SLC9A9: variants seen among roughly 807,000 people sequenced by gnomAD.
The protein encoded by SLC9A9 is sodium/hydrogen exchanger 9.
Under a neutral mutation model 77.8 loss-of-function variants are expected in SLC9A9, and 62 were observed. The observed-to-expected ratio is 0.80, with a 90% CI of 0.65 to 0.98. The LOEUF (loss-of-function observed/expected upper bound fraction) is 0.98, where lower values mean the gene tolerates loss of function less well. Ranked by LOEUF, SLC9A9 falls within the 50% of genes least tolerant of loss-of-function variation. The pLI is 0.00. For synonymous variants in SLC9A9, 320 were observed against 283.5 expected (o/e 1.13, Z -1.29); for missense variants, 775 against 774.9 (o/e 1.00, Z 0.00).
At chr3:143,566,686 A>G (rs972174690) in intron 8 of SLC9A9, among the ~76,000 whole-genome samples, 3 of 152,112 alleles carry the variant, frequency 2.0e-5, no homozygotes, top group Non-Finnish European at 1.5e-5. Flanking sequence ...TCTGCCTCCA[A>G]TGAACATAAA....
At chr3:143,616,441 C>A (rs1205255585) in intron 6 of SLC9A9, among the ~76,000 whole-genome samples, 2 of 152,132 alleles carry the variant, frequency 1.3e-5, no homozygotes, top group Non-Finnish European at 2.9e-5. Context: ...GACTTGGGGA[C>A]AGTGAATGAA....
At chr3:143,284,177 C>T (rs1345316224) in intron 14 of SLC9A9, among the ~76,000 whole-genome samples, 3 of 151,998 alleles carry the variant, frequency 2.0e-5, no homozygotes, top group African/African-American at 7.2e-5. Flanking sequence ...CTAAATCACA[C>T]CTTCCATTTA....
chr3:143,741,875 C>T (rs756497799), intron 4 of SLC9A9, among the ~76,000 whole-genome samples: 3 of 151,980 alleles, frequency 2.0e-5, no homozygotes, highest in Non-Finnish European at 2.9e-5. Context: ...CATTCCTGGG[C>T]GTAGGCTGAG....
At chr3:143,357,179 T>C (rs191301113) in intron 14 of SLC9A9, among the ~76,000 whole-genome samples, 2,648 of 147,008 alleles carry the variant, frequency 0.018, 84 homozygotes, top group African/African-American at 0.062. Flanking sequence ...ACTTGTGGAG[T>C]TATCTTTACA....
chr3:143,709,956 T>C (rs1402147617), intron 4 of SLC9A9, among the ~76,000 whole-genome samples: 2 of 152,194 alleles, frequency 1.3e-5, no homozygotes, highest in Non-Finnish European at 2.9e-5. Context: ...TTTGGTGTCA[T>C]CACAGGTTTT....
chr3:143,645,538 G>C (rs942945788), intron 6 of SLC9A9, among the ~76,000 whole-genome samples: 1 of 152,142 alleles, frequency 6.6e-6, no homozygotes, highest in Non-Finnish European at 1.5e-5. Flanking sequence ...TGAACGGTTG[G>C]ATGATAGTTC....
Position 143,493,642 on chromosome 3 carries a change from A to G in SLC9A9, c.1315+11T>C, listed in dbSNP as rs1466980238. 1 of 1,604,628 alleles carries G rather than the reference A, an allele frequency of 6.2e-7. No individual in the cohort carries two copies. The highest frequency in any genetic ancestry group is 1.1e-5 in the South Asian group (1 of 90,874). On this transcript the variant is annotated intron_variant, in intron 11 of 15. Transcript: ENST00000316549. ...AACCAGCAGCACTAACATATAACAT[A>G]GTTCACATACCTGAAAACATCATCA...
intron 4 of SLC9A9, among the ~76,000 whole-genome samples, chr3:143,772,563 G>C (rs529462301): frequency 2.6e-5 from 4 of 152,252 alleles, no homozygotes; most frequent in Admixed American, 6.5e-5. Flanking sequence ...AATTTTCTCT[G>C]CCTAGATGAA....
chr3:143,568,703 C>T (rs79743312), intron 8 of SLC9A9, among the ~76,000 whole-genome samples: 6 of 152,058 alleles, frequency 3.9e-5, no homozygotes, highest in Admixed American at 6.6e-5. Context: ...TTCCACTGCT[C>T]GAACGATATT....
At chr3:143,797,244 A>C (rs961013122) in intron 2 of SLC9A9, among the ~76,000 whole-genome samples, 2 of 98,366 alleles carry the variant, frequency 2.0e-5, no homozygotes, top group African/African-American at 4.4e-5. Context: ...TTTTCCCCAA[A>C]TAAAATATTT....
At chr3:143,582,959 C>G (rs966002824) in intron 6 of SLC9A9, among the ~76,000 whole-genome samples, 1 of 151,954 alleles carries the variant, frequency 6.6e-6, no homozygotes, top group Non-Finnish European at 1.5e-5. Flanking sequence ...GTGAGACCAG[C>G]CCAGGCAACA....
chr3:143,323,377 A>G (rs1576424598), intron 14 of SLC9A9, among the ~76,000 whole-genome samples: 1 of 152,378 alleles, frequency 6.6e-6, no homozygotes, highest in East Asian at 1.9e-4. Context: ...ACAATGGAAT[A>G]CAATTCAGCC....
intron 12 of SLC9A9, among the ~76,000 whole-genome samples, chr3:143,430,105 C>A (rs1198441792): frequency 6.6e-6 from 1 of 152,162 alleles, no homozygotes; most frequent in South Asian, 2.1e-4. Flanking sequence ...CATTTTCAGT[C>A]TTATCAGTTG....
intron 14 of SLC9A9, among the ~76,000 whole-genome samples, chr3:143,274,776 A>C (rs993052993): frequency 2.0e-5 from 3 of 152,222 alleles, no homozygotes; most frequent in African/African-American, 7.2e-5. Flanking sequence ...ACCATCTCAG[A>C]ATAATACTGA....
At chr3:143,516,556 T>C (rs548001746) in intron 9 of SLC9A9, among the ~76,000 whole-genome samples, 1 of 152,334 alleles carries the variant, frequency 6.6e-6, no homozygotes, top group Non-Finnish European at 1.5e-5. Flanking sequence ...GGTATGCAGC[T>C]TTTATCGTAT....
intron 14 of SLC9A9, among the ~76,000 whole-genome samples, chr3:143,352,825 T>C (rs540674263): frequency 8.5e-5 from 13 of 152,338 alleles, no homozygotes; most frequent in African/African-American, 2.9e-4. Context: ...GCAGCTGTCC[T>C]GGATCATGGA....
In SLC9A9 at chr3:143,382,085, T is replaced by C; in HGVS notation, c.1499A>G (p.Lys500Arg). The part of the protein sequence containing the change: ...RVGVDLDENL[K>R]EDPSSQHQEA... ...CTGGTGTTGTGAGGAGGGGTCCTCC[T>C]TCAGATTTTCATCCAGGTCCACGCC... Residue 500 changes from lysine (K) to arginine (R), a missense_variant, in exon 13 of 16, where the codon AAG becomes AGG. Lys to Arg is a conservative substitution (Grantham distance 26). Coordinates refer to ENST00000316549, the MANE Select transcript of SLC9A9 (RefSeq NM_173653.4). 1 of 1,614,148 alleles carries C rather than the reference T, an allele frequency of 6.2e-7. No individual in the cohort carries two copies. The highest frequency in any genetic ancestry group is 8.5e-7 in the Non-Finnish European group (1 of 1,179,998).
intron 4 of SLC9A9, among the ~76,000 whole-genome samples, chr3:143,741,654 C>A (rs1386298490): frequency 1.3e-5 from 2 of 151,344 alleles, no homozygotes; most frequent in Non-Finnish European, 3.0e-5. Flanking sequence ...ACAAACACTA[C>A]CTCAGCCAAG....
intron 11 of SLC9A9, among the ~76,000 whole-genome samples, chr3:143,477,095 G>A (rs1016398994): frequency 6.6e-6 from 1 of 152,122 alleles, no homozygotes; most frequent in Non-Finnish European, 1.5e-5. Flanking sequence ...ATTCCATGAT[G>A]TACTGTTATA....
Sources: allele counts gnomAD v4.1 joint callset (sites outside exome capture counted in the v4.1 genomes callset), GRCh38; gene constraint gnomAD v4.1.1; transcripts MANE v1.5; gene names NCBI Gene and HGNC (gene_info 2026-07-23, HGNC 2026-07-21).